ZC3H18: variants seen among roughly 807,000 people sequenced by gnomAD.
ZC3H18 encodes zinc finger CCCH domain-containing protein 18.
Under a neutral mutation model 106.1 loss-of-function variants are expected in ZC3H18, and 8 were observed. The ratio of observed to expected loss-of-function variants is 0.08; its 90% CI spans 0.04 to 0.14. ZC3H18 has a LOEUF of 0.14. Ranked by LOEUF, ZC3H18 falls within the 10% of genes least tolerant of loss-of-function variation. The pLI, the probability that ZC3H18 is intolerant of heterozygous loss-of-function variation, is 1.00. For missense variants in ZC3H18, 1,318 were observed against 1,278.4 expected (o/e 1.03, Z -0.47); for synonymous variants, 635 against 522.1 (o/e 1.22, Z -2.95).
At chr16:88,603,981 C>T (rs1414891945) in intron 6 of ZC3H18, among the ~76,000 whole-genome samples, 1 of 152,052 alleles carries the variant, frequency 6.6e-6, no homozygotes, top group Non-Finnish European at 1.5e-5. Flanking sequence ...GACAGACGCA[C>T]TCTGATTCGC....
chr16:88,571,749 T>C, intron 1 of ZC3H18: 1 of 909,214 alleles, frequency 1.1e-6, no homozygotes, highest in South Asian at 5.1e-5. Flanking sequence ...TCAAGGTGAG[T>C]ACCTCTTTAT....
At chr16:88,613,776 T>G (rs143777991) in intron 8 of ZC3H18, among the ~76,000 whole-genome samples, 7 of 152,334 alleles carry the variant, frequency 4.6e-5, no homozygotes, top group South Asian at 4.1e-4. Context: ...TGTTTTCTAT[T>G]TTGTTGCTTA....
chr16:88,599,681 C>G, intron 5 of ZC3H18, 110 bp from the exon 6 acceptor site: 1 of 1,322,408 alleles, frequency 7.6e-7, no homozygotes, highest in Non-Finnish European at 1.0e-6. Flanking sequence ...GCGTGCAGCT[C>G]CTGCTCCTGC....
intron 10 of ZC3H18, 67 bp downstream of exon 10, chr16:88,623,411 C>T (rs969737572): frequency 2.2e-5 from 35 of 1,581,818 alleles, no homozygotes; most frequent in African/African-American, 8.1e-5. Flanking sequence ...GCGGATGTGG[C>T]TTTAGTTGTG....
intron 8 of ZC3H18, among the ~76,000 whole-genome samples, chr16:88,616,155 T>C (rs1905587763): frequency 1.3e-5 from 2 of 152,192 alleles, no homozygotes; most frequent in South Asian, 4.1e-4. Flanking sequence ...AGTCTTACAT[T>C]CAGGAAGGGA....
intron 8 of ZC3H18, among the ~76,000 whole-genome samples, chr16:88,620,716 A>G (rs1032908292): frequency 2.0e-5 from 3 of 152,152 alleles, no homozygotes; most frequent in South Asian, 2.1e-4. Context: ...TGCTGGCTGA[A>G]TGAGGAAAAA....
In ZC3H18 at chr16:88,598,192, G is replaced by A. The variant is rs770349926; in HGVS notation, c.703G>A (p.Gly235Arg). 1.2e-6 allele frequency: 2 copies of A among 1,611,250 alleles called. No individual in the cohort carries two copies. The change falls in exon 4 of 18, where the codon GGA (glycine) becomes AGA (arginine). Residue 235 changes from glycine to arginine, a missense_variant. This residue lies in a region of ZC3H18 where 30 missense variants were observed against 63.3 expected (regional missense o/e 0.47). Coordinates refer to ENST00000301011, the MANE Select transcript of ZC3H18 (RefSeq NM_144604.4). ...TGTTTCCATAGGGAACTGTACCTGG[G>A]GAATGAATTGTAGGTTTATACACCC... is the stretch of plus-strand genomic sequence containing the variant. ...RFFMKGNCTWGMNCRFIHPGV... is the reference protein window; with the variant it reads ...RFFMKGNCTWRMNCRFIHPGV...
intron 8 of ZC3H18, among the ~76,000 whole-genome samples, chr16:88,617,496 G>T (rs933556769): frequency 4.6e-5 from 7 of 152,118 alleles, no homozygotes; most frequent in African/African-American, 1.5e-4. Flanking sequence ...TGTGCTCACC[G>T]CCGAGGCACG....
rs79705338 is a variant in ZC3H18, at chr16:88,625,086, A to G, written c.2043-116A>G. 2,945 of 1,234,600 alleles carry G rather than the reference A, an allele frequency of 2.4e-3. 108 individuals are homozygous for G. In the East Asian group the frequency reaches 0.061, roughly 26 times the overall value. The allele number at this position is 1,234,600 out of a possible 1,614,324, so 76.5% of individuals were successfully genotyped here. On this transcript the variant is annotated intron_variant, in intron 12 of 17. Transcript: ENST00000301011. ...GAAGACAGGCCCAGGCCCTGTTCCA[A>G]GGTGGTAGCAAGGCCAGTCTGGAGG...
chr16:88,595,158 AC>A (rs1229101870), intron 3 of ZC3H18, among the ~76,000 whole-genome samples: 1 of 152,242 alleles, frequency 6.6e-6, no homozygotes, highest in Non-Finnish European at 1.5e-5. Flanking sequence ...TCTCAAAAAA[AC>A]AAAAACAAAA....
At chr16:88,570,831 C>T (rs766072692) in intron 1 of ZC3H18, among the ~76,000 whole-genome samples, 5 of 152,212 alleles carry the variant, frequency 3.3e-5, no homozygotes, top group Non-Finnish European at 4.4e-5. Flanking sequence ...GCCTCCGCGC[C>T]CCGCGGCAGA....
rs1441524934 is a variant in ZC3H18 at position 88,628,833 on chromosome 16, C to T, written c.2545C>T (p.Pro849Ser). 1.9e-6 allele frequency: 3 copies of T among 1,614,054 alleles called. No individual in the cohort carries two copies. Among genetic ancestry groups the T allele is most frequent in the Middle Eastern group, 1.6e-4 (1 of 6,062 alleles). The change falls in exon 16 of 18, where the codon CCC (proline) becomes TCC (serine). Residue 849 changes from proline to serine, a missense_variant. This residue lies in a region of ZC3H18 where 848 missense variants were observed against 821.7 expected (regional missense o/e 1.03). Coordinates refer to ENST00000301011, the MANE Select transcript of ZC3H18 (RefSeq NM_144604.4). ...GCAGAGCCCTCCTCCAGCCAAGCGGCCCAACACATCCCCAGACCGAGGTGA... is the reference window on the plus strand; with the variant it reads ...GCAGAGCCCTCCTCCAGCCAAGCGGTCCAACACATCCCCAGACCGAGGTGA... ...DRQSPPPAKR[P>S]NTSPDRGSRD...
chr16:88,617,264 G>A (rs1905672295), intron 8 of ZC3H18, among the ~76,000 whole-genome samples: 1 of 118,402 alleles, frequency 8.4e-6, no homozygotes, highest in Non-Finnish European at 1.7e-5. Context: ...CGGTATCTCT[G>A]GCAGGGCTTC....
At chr16:88,602,833 T>C (rs967698084) in intron 6 of ZC3H18, among the ~76,000 whole-genome samples, 6 of 152,200 alleles carry the variant, frequency 3.9e-5, no homozygotes, top group Non-Finnish European at 5.9e-5. Context: ...AATTGTCACA[T>C]AGAAGCACCT....
intron 3 of ZC3H18, among the ~76,000 whole-genome samples, chr16:88,593,532 A>C (rs1331086915): frequency 6.6e-6 from 1 of 152,224 alleles, no homozygotes; most frequent in Non-Finnish European, 1.5e-5. Context: ...GGAAAGCCAG[A>C]AAGCAGAGCT....
intron 3 of ZC3H18, among the ~76,000 whole-genome samples, chr16:88,591,268 C>A (rs192824277): frequency 5.3e-4 from 80 of 151,960 alleles, no homozygotes; most frequent in African/African-American, 1.9e-3. Context: ...CTGCACCTGG[C>A]CTTCTGTCTT....
At chr16:88,628,707 G>A (rs777229835) in intron 15 of ZC3H18, 51 bp from the exon 16 acceptor site, 30 of 1,601,894 alleles carry the variant, frequency 1.9e-5, no homozygotes, top group Admixed American at 1.3e-4. Context: ...GCGAGGACAC[G>A]GCTTCTGGCT....
At position 88,577,733 on chromosome 16, in the gene ZC3H18, A is replaced by C; in HGVS notation, c.603+7A>C. On this transcript the variant is annotated splice_region_variant and intron_variant, in intron 2 of 17. Coordinates refer to ENST00000301011, the MANE Select transcript of ZC3H18 (RefSeq NM_144604.4). ...CGATGATGGGGAAATAGACGTGAGT[A>C]TGATGGAGCAGAGCGTCGCGGGGCA... 1.2e-6 allele frequency: 2 copies of C among 1,613,022 alleles called. No individual in the cohort carries two copies. The highest frequency in any genetic ancestry group is 1.7e-6 in the Non-Finnish European group (2 of 1,180,036).
intron 3 of ZC3H18, among the ~76,000 whole-genome samples, chr16:88,592,920 C>G (rs1181466067): frequency 6.6e-6 from 1 of 152,082 alleles, no homozygotes; most frequent in African/African-American, 2.4e-5. Flanking sequence ...TTTTAAAAAA[C>G]TTTATTAAAG....
Sources: allele counts gnomAD v4.1 joint callset (sites outside exome capture counted in the v4.1 genomes callset), GRCh38; gene constraint gnomAD v4.1.1; regional missense constraint gnomAD v4.1.1; transcripts MANE v1.5; gene names NCBI Gene and HGNC (gene_info 2026-07-23, HGNC 2026-07-21).